SCHIP1: variants seen among roughly 807,000 people sequenced by gnomAD.
The protein encoded by SCHIP1 is schwannomin interacting protein 1, also known as schwannomin-interacting protein 1.
A neutral mutation model predicts 29.7 loss-of-function variants in SCHIP1; 8 were observed. The observed-to-expected ratio is 0.27, with a 90% CI of 0.16 to 0.49. The LOEUF (loss-of-function observed/expected upper bound fraction) is 0.49. SCHIP1 is among the 20% of genes least tolerant of loss of function. The pLI is 0.99. For missense variants in SCHIP1, 193 were observed against 294.6 expected (o/e 0.66, Z 2.52); for synonymous variants, 76 against 94.9 (o/e 0.80, Z 1.16).
At chr3:159,367,726 A>G in the SCHIP1 span, among the ~76,000 whole-genome samples, 3 of 152,100 alleles carry the variant, frequency 2.0e-5, no homozygotes, top group African/African-American at 4.8e-5. Flanking sequence ...TGCTCCCACC[A>G]GCTAGCTTCA....
At chr3:159,348,966 G>T in the SCHIP1 span, among the ~76,000 whole-genome samples, 1 of 152,096 alleles carries the variant, frequency 6.6e-6, no homozygotes, top group Non-Finnish European at 1.5e-5. Flanking sequence ...CTCAACATAG[G>T]TATGAATGTT....
chr3:159,574,570 G>A, the SCHIP1 span, among the ~76,000 whole-genome samples: 6 of 152,208 alleles, frequency 3.9e-5, no homozygotes, highest in African/African-American at 7.2e-5. Flanking sequence ...CGGGGGTCAG[G>A]GACCCACTTG....
the SCHIP1 span, among the ~76,000 whole-genome samples, chr3:159,789,286 G>C: frequency 6.6e-6 from 1 of 152,280 alleles, no homozygotes; most frequent in East Asian, 1.9e-4. Context: ...CCTTTTCAGG[G>C]GACCTCTCTT....
the SCHIP1 span, among the ~76,000 whole-genome samples, chr3:159,684,623 G>A: frequency 6.6e-6 from 1 of 151,858 alleles, no homozygotes; most frequent in African/African-American, 2.4e-5. Flanking sequence ...GGCCAACATG[G>A]TGAAACCCCA....
At chr3:159,770,502 G>T in the SCHIP1 span, among the ~76,000 whole-genome samples, 1 of 151,988 alleles carries the variant, frequency 6.6e-6, no homozygotes, top group South Asian at 2.1e-4. Context: ...CAGGTAATCC[G>T]CCCACCTTCG....
chr3:159,767,494 AG>A, the SCHIP1 span, among the ~76,000 whole-genome samples: 1 of 152,234 alleles, frequency 6.6e-6, no homozygotes, highest in African/African-American at 2.4e-5. Context: ...GTGGAAGAGA[AG>A]GCCTGCCTTG....
At chr3:159,732,696 G>A in the SCHIP1 span, among the ~76,000 whole-genome samples, 1 of 152,180 alleles carries the variant, frequency 6.6e-6, no homozygotes, top group African/African-American at 2.4e-5. Context: ...ATTCAGCTGG[G>A]GAAGAGGGAC....
chr3:159,806,660 C>A, the SCHIP1 span, among the ~76,000 whole-genome samples: 6 of 152,212 alleles, frequency 3.9e-5, no homozygotes, highest in African/African-American at 1.4e-4. Flanking sequence ...GCAGCCACAG[C>A]TGTAGAAATC....
At chr3:159,504,046 G>A in the SCHIP1 span, among the ~76,000 whole-genome samples, 2 of 152,176 alleles carry the variant, frequency 1.3e-5, no homozygotes, top group African/African-American at 4.8e-5. Context: ...GCCAGAGGCT[G>A]TTAAGTATAA....
At chr3:159,290,250 AATAAAGAGTCAGAAAGGAAT>A in the SCHIP1 span, among the ~76,000 whole-genome samples, 2 of 152,190 alleles carry the variant, frequency 1.3e-5, no homozygotes, top group South Asian at 4.1e-4. Context: ...GAAAGAACAA[AATAAAGAGTCAGAAAGGAAT>A]ATATAGTATT....
chr3:159,423,227 C>T, the SCHIP1 span, among the ~76,000 whole-genome samples: 4 of 152,196 alleles, frequency 2.6e-5, no homozygotes, highest in Non-Finnish European at 5.9e-5. Context: ...GTGCAGCGCA[C>T]CATGCGCAAG....
the SCHIP1 span, among the ~76,000 whole-genome samples, chr3:159,695,393 A>G: frequency 6.6e-6 from 1 of 152,156 alleles, no homozygotes; most frequent in Non-Finnish European, 1.5e-5. Flanking sequence ...CTCTTCTTGC[A>G]TTGCTGTTAG....
chr3:159,848,280 C>T (rs758558817), intron 1 of SCHIP1, among the ~76,000 whole-genome samples: 3 of 152,082 alleles, frequency 2.0e-5, no homozygotes, highest in Non-Finnish European at 4.4e-5. Flanking sequence ...TAAGGGAGAG[C>T]GCTAGTATCT....
chr3:159,550,581 A>C, the SCHIP1 span, among the ~76,000 whole-genome samples: 4 of 152,168 alleles, frequency 2.6e-5, no homozygotes. Context: ...CCATATAGAA[A>C]GTAAAAGTGT....
At chr3:159,656,081 T>C in the SCHIP1 span, among the ~76,000 whole-genome samples, 1 of 152,148 alleles carries the variant, frequency 6.6e-6, no homozygotes, top group South Asian at 2.1e-4. Context: ...GAAGAACAGA[T>C]GTTTCATTGT....
the SCHIP1 span, among the ~76,000 whole-genome samples, chr3:159,556,122 C>T: frequency 1.3e-5 from 2 of 152,112 alleles, no homozygotes; most frequent in African/African-American, 4.8e-5. Flanking sequence ...TGAACAGACA[C>T]TTCTCAAAAG....
At chr3:159,508,595 G>C in the SCHIP1 span, among the ~76,000 whole-genome samples, 1 of 152,278 alleles carries the variant, frequency 6.6e-6, no homozygotes, top group South Asian at 2.1e-4. Context: ...GCTTTCTCTT[G>C]TGGGCACTTA....
At chr3:159,488,368 G>A in the SCHIP1 span, among the ~76,000 whole-genome samples, 5 of 152,182 alleles carry the variant, frequency 3.3e-5, no homozygotes, top group African/African-American at 1.2e-4. Flanking sequence ...ATAAATGCTT[G>A]AGGTAATGGA....
the SCHIP1 span, among the ~76,000 whole-genome samples, chr3:159,303,058 AAGTT>A: frequency 2.0e-5 from 3 of 152,160 alleles, no homozygotes; most frequent in African/African-American, 7.2e-5. Flanking sequence ...AAGGGTAAAT[AAGTT>A]AGTTAGTGAA....
Sources: gnomAD v4.1 joint callset for allele counts (sites outside exome capture counted in the v4.1 genomes callset) on GRCh38, gnomAD v4.1.1 for gene constraint, MANE v1.5 for transcripts, NCBI Gene and HGNC (gene_info 2026-07-23, HGNC 2026-07-21) for gene names.